FOCAD: variants seen among roughly 807,000 people sequenced by gnomAD.
The protein encoded by FOCAD is KIAA1797.
Under a neutral mutation model 225.6 loss-of-function variants are expected in FOCAD, and 198 were observed. The observed-to-expected ratio is 0.88, with a 90% confidence interval of 0.78 to 0.99. FOCAD has a LOEUF of 0.99. FOCAD is among the 50% of genes least tolerant of loss of function. FOCAD has a pLI of 0.00. For missense variants in FOCAD, 2,713 were observed against 2,123.6 expected, an observed-to-expected ratio of 1.28 and a Z score of -5.46; for synonymous variants, 897 against 755.0, an observed-to-expected ratio of 1.19 and a Z score of -3.08.
chr9:20,945,230 G>GTT (rs11435595), intron 29 of FOCAD, among the ~76,000 whole-genome samples: 1 of 152,048 alleles, frequency 6.6e-6, no homozygotes, highest in African/African-American at 2.4e-5. Context: ...TTAGAGAAAA[G>GTT]TTTTTTTCTG....
In FOCAD at chr9:20,747,547, T is replaced by C. The variant is rs571787745; in HGVS notation, c.392+7207T>C. On this transcript the variant is annotated intron_variant, in intron 5 of 43. Coordinates refer to ENST00000338382, the MANE Select transcript of FOCAD (RefSeq NM_001375567.1). ...ATAATCACTGTCTAATTCCAGAATA[T>C]TTTCATCACCCCAAAAAGAAACCTC... 2.0e-5 allele frequency among the ~76,000 whole-genome samples: 3 copies of C among 152,190 alleles called. No individual in the cohort carries two copies. The South Asian group carries it at 6.2e-4, about 32-fold the overall frequency.
intron 24 of FOCAD, among the ~76,000 whole-genome samples, chr9:20,919,041 A>G (rs1241740220): frequency 5.9e-5 from 9 of 152,174 alleles, no homozygotes; most frequent in Admixed American, 5.9e-4. Flanking sequence ...AAAGTGACAT[A>G]CCAATCATGG....
At chr9:20,660,247 G>A (rs762273178) in intron 2 of FOCAD, among the ~76,000 whole-genome samples, 6 of 152,132 alleles carry the variant, frequency 3.9e-5, no homozygotes, top group Middle Eastern at 3.2e-3. Context: ...CTTATCAGGC[G>A]CCAAGCAATA....
At chr9:20,898,973 T>C (rs1211556545) in intron 21 of FOCAD, among the ~76,000 whole-genome samples, 1 of 151,850 alleles carries the variant, frequency 6.6e-6, no homozygotes, top group Non-Finnish European at 1.5e-5. Flanking sequence ...CTTTTTTAAT[T>C]CCTTAGGTGG....
intron 28 of FOCAD, among the ~76,000 whole-genome samples, chr9:20,935,024 T>C (rs900737328): frequency 6.6e-6 from 1 of 152,154 alleles, no homozygotes; most frequent in African/African-American, 2.4e-5. Context: ...AGAATCAATA[T>C]TGTGATAATT....
At chr9:20,685,196 A>ATTTTTTTTTT (rs397959541) in intron 1 of FOCAD, among the ~76,000 whole-genome samples, 67 of 143,090 alleles carry the variant, frequency 4.7e-4, no homozygotes, top group Middle Eastern at 3.5e-3. Flanking sequence ...TGAGTTGGAA[A>ATTTTTTTTTT]TTTTTTTTTT....
chr9:20,823,972 G>T (rs1824609552), intron 15 of FOCAD, among the ~76,000 whole-genome samples: 1 of 152,062 alleles, frequency 6.6e-6, no homozygotes, highest in African/African-American at 2.4e-5. Context: ...CCAGAGAGAG[G>T]TTAGATATTT....
At chr9:20,808,673 G>C (rs533632919) in intron 11 of FOCAD, among the ~76,000 whole-genome samples, 10 of 152,240 alleles carry the variant, frequency 6.6e-5, no homozygotes, top group African/African-American at 2.4e-4. Context: ...GGGAAGGCAG[G>C]GGAGAAGCAT....
intron 28 of FOCAD, among the ~76,000 whole-genome samples, chr9:20,943,119 A>G (rs372782273): frequency 1.3e-5 from 2 of 152,228 alleles, no homozygotes; most frequent in East Asian, 3.8e-4. Context: ...AAGGCTTTAC[A>G]TTCATATTAA....
chr9:20,761,023 G>T (rs908599050), intron 6 of FOCAD, among the ~76,000 whole-genome samples: 13 of 151,650 alleles, frequency 8.6e-5, no homozygotes, highest in South Asian at 2.1e-4. Flanking sequence ...GATTTTTTGG[G>T]GGGGGGCGTT....
chr9:20,899,977 G>C (rs1390272018), intron 21 of FOCAD, among the ~76,000 whole-genome samples: 1 of 151,822 alleles, frequency 6.6e-6, no homozygotes, highest in Admixed American at 6.6e-5. Context: ...ACATGCAGTG[G>C]TCATTTCAGA....
intron 26 of FOCAD, among the ~76,000 whole-genome samples, chr9:20,927,189 T>C (rs1835037088): frequency 6.6e-6 from 1 of 152,130 alleles, no homozygotes; most frequent in Admixed American, 6.5e-5. Context: ...GGCTGAAATG[T>C]GGGGACTCCA....
At chr9:20,839,341 C>CTCTGCCTCCCAGGCTCAAGCTATCCT (rs1826289468) in intron 15 of FOCAD, among the ~76,000 whole-genome samples, 1 of 151,460 alleles carries the variant, frequency 6.6e-6, no homozygotes, top group East Asian at 1.9e-4. Context: ...TCACTGCAAC[C>CTCTGCCTCCCAGGCTCAAGCTATCCT]TCTGCCTCCC....
chr9:20,812,722 A>G (rs775211744), intron 11 of FOCAD, among the ~76,000 whole-genome samples: 1 of 152,140 alleles, frequency 6.6e-6, no homozygotes. Context: ...GAACTGAGAC[A>G]TAAACTCCTA....
At chr9:20,678,095 C>T (rs183235167) in intron 2 of FOCAD, among the ~76,000 whole-genome samples, 1 of 152,180 alleles carries the variant, frequency 6.6e-6, no homozygotes, top group Non-Finnish European at 1.5e-5. Flanking sequence ...CAAATTTACT[C>T]TCTGGTCCAT....
At chr9:20,830,855 T>A (rs1825413519) in intron 15 of FOCAD, among the ~76,000 whole-genome samples, 1 of 152,022 alleles carries the variant, frequency 6.6e-6, no homozygotes, top group African/African-American at 2.4e-5. Context: ...TTAAATTTTT[T>A]GTAGAGACAG....
chr9:20,772,123 A>C (rs1388656550), intron 8 of FOCAD, among the ~76,000 whole-genome samples: 3 of 152,202 alleles, frequency 2.0e-5, no homozygotes, highest in Admixed American at 2.0e-4. Context: ...GTAGGGCTTT[A>C]TGATTGATTA....
At chr9:20,830,994 A>G (rs1230536726) in intron 15 of FOCAD, among the ~76,000 whole-genome samples, 1 of 152,060 alleles carries the variant, frequency 6.6e-6, no homozygotes, top group African/African-American at 2.4e-5. Flanking sequence ...CTACCTTTAA[A>G]GGATGTTTTT....
At chr9:20,772,919 C>T (rs923351119) in intron 8 of FOCAD, among the ~76,000 whole-genome samples, 1 of 150,668 alleles carries the variant, frequency 6.6e-6, no homozygotes. Flanking sequence ...TATAATATAT[C>T]AGGTATAATT....
Sources: gnomAD v4.1 joint callset for allele counts (sites outside exome capture counted in the v4.1 genomes callset) on GRCh38, gnomAD v4.1.1 for gene constraint, MANE v1.5 for transcripts, NCBI Gene and HGNC (gene_info 2026-07-23, HGNC 2026-07-21) for gene names.